The following TYR variants were observed in gnomAD, a reference collection of about 807,000 sequenced individuals.
The protein encoded by TYR is tyrosinase.
A neutral mutation model predicts 51.5 loss-of-function variants in TYR; 58 were observed. The ratio of observed to expected loss-of-function variants is 1.13; its 90% confidence interval spans 0.91 to 1.40. The LOEUF (loss-of-function observed/expected upper bound fraction) is 1.40, where lower values mean the gene tolerates loss of function less well. Among genes scored for constraint, TYR ranks in the 40% most tolerant of loss-of-function variants. The pLI, the probability that TYR is intolerant of heterozygous loss-of-function variation, is 0.00. For missense variants in TYR, 732 were observed against 647.4 expected (o/e 1.13, Z -1.42); for synonymous variants, 263 against 235.2 (o/e 1.12, Z -1.08).
At chr11:89,269,913 T>G (rs570376896) in intron 3 of TYR, among the ~76,000 whole-genome samples, 1 of 151,970 alleles carries the variant, frequency 6.6e-6, no homozygotes, top group East Asian at 2.0e-4. Context: ...ATGCTCCAAG[T>G]TTTTCCCAGT....
intron 2 of TYR, among the ~76,000 whole-genome samples, chr11:89,219,410 C>T (rs981541315): frequency 1.3e-4 from 20 of 151,658 alleles, no homozygotes; most frequent in African/African-American, 4.4e-4. Flanking sequence ...GATTCTCCTG[C>T]CTCAGCCTCT....
At chr11:89,205,795 A>T (rs1943664440) in intron 2 of TYR, among the ~76,000 whole-genome samples, 1 of 152,140 alleles carries the variant, frequency 6.6e-6, no homozygotes, top group African/African-American at 2.4e-5. Context: ...CTTAAGCAAA[A>T]ATATAGGGAA....
intron 3 of TYR, among the ~76,000 whole-genome samples, chr11:89,253,647 A>C (rs1195168293): frequency 4.0e-5 from 6 of 151,854 alleles, no homozygotes; most frequent in Non-Finnish European, 8.8e-5. Flanking sequence ...GGTGTATAGC[A>C]GAGCTACTGA....
At chr11:89,224,556 T>C (rs536528195) in intron 2 of TYR, among the ~76,000 whole-genome samples, 35 of 152,260 alleles carry the variant, frequency 2.3e-4, no homozygotes, top group Admixed American at 1.8e-3. Context: ...TTAAGAAAAT[T>C]TATTTTTAGC....
At chr11:89,228,354 TG>T (rs1164759815) in intron 3 of TYR, among the ~76,000 whole-genome samples, 1 of 152,172 alleles carries the variant, frequency 6.6e-6, no homozygotes, top group African/African-American at 2.4e-5. Flanking sequence ...GGCTACAGGA[TG>T]CCCTGAGGTA....
At chr11:89,243,487 C>G (rs1944226277) in intron 3 of TYR, among the ~76,000 whole-genome samples, 1 of 152,216 alleles carries the variant, frequency 6.6e-6, no homozygotes, top group East Asian at 1.9e-4. Context: ...GGGGGCTAAC[C>G]TTTTATGTCA....
chr11:89,289,601 C>G (rs1197479813), intron 4 of TYR, among the ~76,000 whole-genome samples: 2 of 151,852 alleles, frequency 1.3e-5, no homozygotes, highest in African/African-American at 4.8e-5. Context: ...GAGTGCCCCC[C>G]AACTCCCCGC....
intron 2 of TYR, among the ~76,000 whole-genome samples, chr11:89,226,372 T>C (rs113288169): frequency 9.9e-5 from 15 of 152,248 alleles, no homozygotes; most frequent in African/African-American, 3.6e-4. Context: ...AAATGTCACA[T>C]AAAATTATGT....
At chr11:89,286,547 G>A (rs1236054604) in intron 4 of TYR, among the ~76,000 whole-genome samples, 2 of 151,632 alleles carry the variant, frequency 1.3e-5, no homozygotes, top group African/African-American at 2.4e-5. Flanking sequence ...ATTTTCCCAG[G>A]CCACTTACCT....
Position 89,232,712 on chromosome 11 carries a change from G to GA in TYR, c.1184+4752dup, listed in dbSNP as rs202046054. Among the ~76,000 whole-genome samples the GA allele has an allele frequency of 1.5e-3, 206 of 136,092 alleles. 34 individuals carry two copies. The highest frequency in any genetic ancestry group is 4.2e-3 in the African/African-American group (142 of 34,060). 89.3% of individuals were successfully genotyped at this position (136,092 alleles called of 152,430 possible). Reference sequence around the variant, plus strand: ...GTCCCCCGATTCTAAAATAAAAGTTGAAAAAAAAAATTAAAATTAAAATTA... The same window carrying GA: ...GTCCCCCGATTCTAAAATAAAAGTTGAAAAAAAAAAATTAAAATTAAAATTA... On this transcript the variant is annotated intron_variant, in intron 3 of 4. Transcript: ENST00000263321.
chr11:89,201,864 A>G (rs12421402), intron 2 of TYR, among the ~76,000 whole-genome samples: 27,833 of 152,168 alleles, frequency 0.18, 3,462 homozygotes, highest in African/African-American at 0.35. Flanking sequence ...AAATAAGGGC[A>G]TCTGGGAAGA....
chr11:89,263,648 C>T (rs1944488901), intron 3 of TYR, among the ~76,000 whole-genome samples: 2 of 151,846 alleles, frequency 1.3e-5, no homozygotes, highest in Non-Finnish European at 1.5e-5. Flanking sequence ...AGAAAAATTG[C>T]AAGATACAAA....
intron 2 of TYR, among the ~76,000 whole-genome samples, chr11:89,207,691 T>C (rs939063048): frequency 2.0e-5 from 3 of 152,164 alleles, no homozygotes; most frequent in South Asian, 2.1e-4. Context: ...CATGTACATA[T>C]ATGTAAAAAT....
intron 3 of TYR, among the ~76,000 whole-genome samples, chr11:89,231,874 G>T (rs1263817433): frequency 7.2e-6 from 1 of 138,996 alleles, no homozygotes; most frequent in African/African-American, 2.9e-5. Flanking sequence ...GATCACAGCT[G>T]CTCAGGAGGC....
At chr11:89,250,768 A>G (rs749478273) in intron 3 of TYR, among the ~76,000 whole-genome samples, 1 of 151,912 alleles carries the variant, frequency 6.6e-6, no homozygotes, top group Non-Finnish European at 1.5e-5. Flanking sequence ...TAAGGTCTTT[A>G]AAAACTTTAT....
At chr11:89,213,541 C>T (rs1170285420) in intron 2 of TYR, among the ~76,000 whole-genome samples, 1 of 152,086 alleles carries the variant, frequency 6.6e-6, no homozygotes, top group East Asian at 1.9e-4. Context: ...CAATGCTATC[C>T]CCATCAGGCT....
intron 3 of TYR, among the ~76,000 whole-genome samples, chr11:89,261,379 T>C (rs1295457935): frequency 2.0e-5 from 3 of 152,112 alleles, no homozygotes; most frequent in Non-Finnish European, 4.4e-5. Context: ...AGATATTTTA[T>C]GTAAAAAATA....
intron 3 of TYR, among the ~76,000 whole-genome samples, chr11:89,262,209 C>A (rs1033064618): frequency 1.1e-4 from 17 of 151,992 alleles, no homozygotes; most frequent in African/African-American, 4.1e-4. Flanking sequence ...CAGGCACCTG[C>A]CACTAGGCCC....
chr11:89,191,658 G>A (rs1463293399), intron 2 of TYR, among the ~76,000 whole-genome samples: 2 of 152,086 alleles, frequency 1.3e-5, no homozygotes, highest in Non-Finnish European at 2.9e-5. Context: ...TACTTGGGAG[G>A]CTGTGACAGG....
Sources: gnomAD v4.1 joint callset for allele counts (sites outside exome capture counted in the v4.1 genomes callset) on GRCh38, gnomAD v4.1.1 for gene constraint, MANE v1.5 for transcripts, NCBI Gene and HGNC (gene_info 2026-07-23, HGNC 2026-07-21) for gene names.